The following REV1 variants were observed in gnomAD, a reference collection of about 807,000 sequenced individuals.
REV1 encodes REV1 DNA directed polymerase, also known as translesion synthesis protein REV1.
In REV1, 42 loss-of-function variants were observed where a neutral mutation model predicts 137.4. The observed-to-expected ratio is 0.31, with a 90% CI of 0.24 to 0.40. REV1 has a LOEUF of 0.40. Ranked by LOEUF, REV1 falls within the 10% of genes least tolerant of loss-of-function variation. REV1 has a pLI of 1.00. For synonymous variants in REV1, 524 were observed against 519.2 expected (o/e 1.01, Z -0.12); for missense variants, 1,282 against 1,490.1 (o/e 0.86, Z 2.30).
At chr2:99,472,543 GAA>G (rs1685534989) in intron 1 of REV1, among the ~76,000 whole-genome samples, 1 of 152,158 alleles carries the variant, frequency 6.6e-6, no homozygotes, top group Non-Finnish European at 1.5e-5. Context: ...CAATTAAGAA[GAA>G]AAGAGTTTTT....
chr2:99,424,449 A>C (rs1575051991), intron 9 of REV1, 169 bp from the exon 10 acceptor site: 1 of 702,150 alleles, frequency 1.4e-6, no homozygotes, highest in East Asian at 3.0e-5. Flanking sequence ...GTTTTCCCCC[A>C]AAAGTCACAA....
chr2:99,440,182 T>G (rs1420092152), intron 5 of REV1, among the ~76,000 whole-genome samples: 1 of 152,200 alleles, frequency 6.6e-6, no homozygotes, highest in Non-Finnish European at 1.5e-5. Flanking sequence ...TAAAGTCACA[T>G]CCTGGCTCCT....
Position 99,464,982 on chromosome 2 carries a change from G to C in REV1, c.-7C>G. ...TCCATCCACCTCGCCTCATGGTGGAGCTTCTGTATTGGGGAGGAAAAAAAA... is the reference window on the plus strand; with the variant it reads ...TCCATCCACCTCGCCTCATGGTGGACCTTCTGTATTGGGGAGGAAAAAAAA... On this transcript the variant is annotated 5_prime_UTR_variant, in exon 2 of 23. Transcript: ENST00000258428. The C allele has an allele frequency of 1.2e-6, 2 of 1,611,660 alleles. No homozygotes were observed.
At chr2:99,458,946 C>T (rs562037760) in intron 3 of REV1, among the ~76,000 whole-genome samples, 2 of 152,190 alleles carry the variant, frequency 1.3e-5, no homozygotes, top group South Asian at 2.1e-4. Flanking sequence ...CGGTGGCTCA[C>T]ACCTGTAATC....
chr2:99,458,076 C>A (rs1384615319), intron 3 of REV1, among the ~76,000 whole-genome samples: 3 of 152,088 alleles, frequency 2.0e-5, no homozygotes, highest in African/African-American at 4.8e-5. Context: ...CAAGCACAAT[C>A]CATAAAAGGA....
At chr2:99,467,202 T>C (rs1159659703) in intron 1 of REV1, among the ~76,000 whole-genome samples, 1 of 152,188 alleles carries the variant, frequency 6.6e-6, no homozygotes, top group African/African-American at 2.4e-5. Context: ...AGAAAATTCC[T>C]TAATGATGGT....
rs576725178 is a variant in REV1 at position 99,433,994 on chromosome 2, G to C, written c.1438+338C>G. Among the ~76,000 whole-genome samples, 4 of 152,208 alleles carry C rather than the reference G, an allele frequency of 2.6e-5. No homozygotes were observed. The East Asian group carries it at 5.8e-4, about 22-fold the overall frequency. ...TTCTACTTCCTCATACAAATCTTGA[G>C]CAAGACAAACTTTAACATTCTTACT... is the stretch of plus-strand genomic sequence containing the variant. On this transcript the variant is annotated intron_variant, in intron 8 of 22. Transcript: ENST00000258428.
intron 19 of REV1, 133 bp downstream of exon 19, chr2:99,403,562 G>T: frequency 9.1e-7 from 1 of 1,102,806 alleles, no homozygotes; most frequent in Non-Finnish European, 1.3e-6. Flanking sequence ...GTATACTTCA[G>T]ATATTATCCC....
intron 1 of REV1, among the ~76,000 whole-genome samples, chr2:99,471,428 T>C (rs1299983155): frequency 1.4e-5 from 2 of 139,116 alleles, no homozygotes; most frequent in Non-Finnish European, 3.2e-5. Flanking sequence ...AAAAAAAAAC[T>C]TAAAGTGTAC....
At chr2:99,436,268 G>A (rs1680735238) in intron 6 of REV1, among the ~76,000 whole-genome samples, 3 of 152,192 alleles carry the variant, frequency 2.0e-5, no homozygotes, top group South Asian at 2.1e-4. Flanking sequence ...ATCTACAAAC[G>A]CGCCTGGATA....
chr2:99,453,480 A>T (rs141500540), intron 3 of REV1, among the ~76,000 whole-genome samples: 2 of 152,342 alleles, frequency 1.3e-5, no homozygotes, highest in African/African-American at 4.8e-5. Context: ...CTATTCACAC[A>T]AAACATTAAA....
At chr2:99,405,669 C>T (rs1676181071) in intron 17 of REV1, 1 of 339,830 alleles carries the variant, frequency 2.9e-6, no homozygotes, top group Admixed American at 4.6e-5. Flanking sequence ...GGAGGACTGC[C>T]TTTCAGCTAT....
Position 99,438,963 on chromosome 2 carries a change from C to G in REV1, c.851G>C (p.Arg284Thr). The G allele has an allele frequency of 6.2e-7, 1 of 1,614,194 alleles. No homozygotes were observed. The highest frequency in any genetic ancestry group is 8.5e-7 in the Non-Finnish European group (1 of 1,180,026). Residue 284 changes from arginine (R) to threonine (T), a missense_variant, in exon 6 of 23, where the codon AGA becomes ACA. Physicochemically the swap from Arg to Thr is moderately conservative, Grantham distance 71 (BLOSUM62 -1). This residue lies in a region of REV1 where 432 missense variants were observed against 438.0 expected (regional missense o/e 0.99). Transcript: ENST00000258428. ...TGGATTCCGCAAAGCATCTGTGTTT[C>G]TGGTGCTTTGCTGCAACTGCTGCAG... ...CTLQQLQQSTRNTDALRNPHR... is the reference protein window; with the variant it reads ...CTLQQLQQSTTNTDALRNPHR...
Position 99,479,795 on chromosome 2 carries a change from A to AATC in REV1, c.-11+10021_-11+10022insGAT, listed in dbSNP as rs1450215508. 1.4e-4 allele frequency among the ~76,000 whole-genome samples: 22 copies of AATC among 151,934 alleles called. 1 individual carries two copies. The East Asian group carries it at 3.9e-3, about 27-fold the overall frequency. On this transcript the variant is annotated intron_variant, in intron 1 of 22. Transcript: ENST00000258428. Reference sequence around the variant, plus strand: ...AAAAAGTAAAAATAATAATAATAATAATAATAATACAAGATCCTGCATTAT... The same window carrying AATC: ...AAAAAGTAAAAATAATAATAATAATAATCATAATAATACAAGATCCTGCATTAT...
chr2:99,403,482 A>G, intron 19 of REV1: 1 of 645,474 alleles, frequency 1.5e-6, no homozygotes, highest in South Asian at 2.2e-5. Flanking sequence ...AAAAGTAAAA[A>G]GTGGTGTGTT....
intron 9 of REV1, among the ~76,000 whole-genome samples, chr2:99,425,431 CGAG>C (rs1207101391): frequency 6.6e-6 from 1 of 152,160 alleles, no homozygotes; most frequent in Non-Finnish European, 1.5e-5. Flanking sequence ...CTTGATGTGT[CGAG>C]GACTTAGCGA....
rs369098545 is a variant in REV1, at chr2:99,438,846, G to C, written c.968C>G (p.Thr323Arg). Residue 323 changes from threonine to arginine, a missense_variant, in exon 6 of 23, where the codon ACA becomes AGA. Thr to Arg is a moderately conservative substitution (Grantham distance 71, BLOSUM62 -1). Transcript: ENST00000258428. The stretch of plus-strand genomic sequence containing the variant: ...CGTAGATACTGAAGAAGTGCTTTTT[G>C]TGCTTGAAGGCCCCTGAACAGTGGA... The part of the protein sequence containing the change: ...HHSTVQGPSS[T>R]KSTSSVSTFS... 6.2e-7 allele frequency: 1 copy of C among 1,614,194 alleles called. No homozygotes were observed. The highest frequency in any genetic ancestry group is 1.7e-5 in the Admixed American group (1 of 60,026).
chr2:99,420,590 G>C (rs28382931), intron 11 of REV1, among the ~76,000 whole-genome samples: 1,672 of 152,318 alleles, frequency 0.011, 9 homozygotes, highest in Middle Eastern at 0.024. Flanking sequence ...CAGTAGTCCT[G>C]TGTAGCACGG....
chr2:99,402,195 A>C (rs1675563610), intron 22 of REV1, 49 bp downstream of exon 22: 3 of 779,604 alleles, frequency 3.8e-6, no homozygotes, highest in Non-Finnish European at 6.4e-6. Flanking sequence ...ACCCTCAGCC[A>C]TTGTGACATG....
Sources: allele counts gnomAD v4.1 joint callset (sites outside exome capture counted in the v4.1 genomes callset), GRCh38; gene constraint gnomAD v4.1.1; regional missense constraint gnomAD v4.1.1; transcripts MANE v1.5; gene names NCBI Gene and HGNC (gene_info 2026-07-23, HGNC 2026-07-21).